The following ASB3 variants were observed in gnomAD, a reference collection of about 807,000 sequenced individuals.
ASB3 encodes the protein ankyrin repeat and SOCS box protein 3.
Under a neutral mutation model 54.5 loss-of-function variants are expected in ASB3, and 41 were observed. That is an observed-to-expected ratio of 0.75 (90% confidence interval 0.59 to 0.98). ASB3 has a LOEUF of 0.98. Among genes scored for constraint, ASB3 ranks in the 50% least tolerant of loss-of-function variants. The probability of loss-of-function intolerance (pLI) is 0.00; values close to 1 mark genes in which losing one functional copy is unlikely to be tolerated. For synonymous variants in ASB3, 266 were observed against 221.2 expected (o/e 1.20, Z -1.80); for missense variants, 733 against 620.0 (o/e 1.18, Z -1.94).
chr2:53,738,600 T>G (rs945822596), intron 3 of ASB3, among the ~76,000 whole-genome samples: 9 of 152,160 alleles, frequency 5.9e-5, no homozygotes, highest in African/African-American at 1.9e-4. Flanking sequence ...AGATTAGAAT[T>G]GAATTGAATT....
In ASB3 at chr2:53,670,036, A is replaced by C. The variant is rs1667739054; in HGVS notation, c.*467T>G. The C allele has an allele frequency of 6.6e-6, 1 of 151,810 alleles. No homozygotes were observed. Among genetic ancestry groups the C allele is most frequent in the Non-Finnish European group, 1.5e-5 (1 of 68,018 alleles). The allele number at this position is 151,810 out of a possible 1,614,324, so 9.4% of individuals were successfully genotyped here. On this transcript the variant is annotated 3_prime_UTR_variant, in exon 10 of 10. Transcript: ENST00000263634. ...GATAGTCAAGTCTAAATAAAATAATAATGATAATAATAACAGATTCTACAC... is the reference window on the plus strand; with the variant it reads ...GATAGTCAAGTCTAAATAAAATAATCATGATAATAATAACAGATTCTACAC...
chr2:53,745,933 T>G (rs1672197899), intron 3 of ASB3, among the ~76,000 whole-genome samples: 1 of 152,204 alleles, frequency 6.6e-6, no homozygotes, highest in Admixed American at 6.5e-5. Flanking sequence ...CTTGAATTAT[T>G]TTGGATTTTG....
Position 53,715,001 on chromosome 2 carries a change from C to T in ASB3, c.783-420G>A, listed in dbSNP as rs77658741. On this transcript the variant is annotated intron_variant, in intron 6 of 9. Transcript: ENST00000263634. ...ATGCACTATTTTCCTTCTTAAAGTA[C>T]CAACTAGTTTTTCTTTTCCAATTAG... 9.2e-3 allele frequency among the ~76,000 whole-genome samples: 1,398 copies of T among 152,036 alleles called. 15 individuals carry two copies. Among genetic ancestry groups the T allele is most frequent in the African/African-American group, 0.032 (1,327 of 41,474 alleles).
chr2:53,771,605 T>G (rs1390898526), intron 1 of ASB3, among the ~76,000 whole-genome samples: 1 of 152,230 alleles, frequency 6.6e-6, no homozygotes, highest in African/African-American at 2.4e-5. Flanking sequence ...TCCATTTGCC[T>G]TTCATTTTAG....
At chr2:53,716,799 C>G in intron 5 of ASB3, 56 bp from the exon 6 acceptor site, 1 of 1,511,094 alleles carries the variant, frequency 6.6e-7, no homozygotes, top group South Asian at 1.4e-5. Flanking sequence ...AAAAAATCAA[C>G]ACAAATTTCA....
intron 3 of ASB3, among the ~76,000 whole-genome samples, chr2:53,738,392 A>G (rs1420826761): frequency 2.0e-5 from 3 of 152,228 alleles, no homozygotes; most frequent in Non-Finnish European, 4.4e-5. Flanking sequence ...CTGTTCTCCA[A>G]TATAGAAGAC....
In ASB3 at chr2:53,700,378, T is replaced by C. The variant is rs755784012; in HGVS notation, c.1131A>G (p.Ile377Met). Residue 377 changes from isoleucine (I) to methionine (M), a missense_variant, in exon 8 of 10, where the codon ATA becomes ATG. Coordinates refer to ENST00000263634, the MANE Select transcript of ASB3 (RefSeq NM_016115.5). Reference protein sequence around the residue: ...KGCSLGPWNHIYEFVNHAIKA... With the variant: ...KGCSLGPWNHMYEFVNHAIKA... ...TAATTGCATGATTTACAAATTCATA[T>C]ATATGGTTCCATGGTCCCAATGAGC... 5 of 1,614,022 alleles carry C rather than the reference T, an allele frequency of 3.1e-6. No individual in the cohort carries two copies. The African/African-American group carries it at 5.3e-5, about 17-fold the overall frequency.
intron 3 of ASB3, among the ~76,000 whole-genome samples, chr2:53,740,105 C>G (rs1671850367): frequency 6.6e-6 from 1 of 152,166 alleles, no homozygotes; most frequent in East Asian, 1.9e-4. Context: ...GCTGGCTATG[C>G]AGAAATCATC....
intron 5 of ASB3, among the ~76,000 whole-genome samples, chr2:53,726,665 CAT>C (rs923687651): frequency 1.3e-4 from 19 of 150,862 alleles, no homozygotes; most frequent in Admixed American, 8.6e-4. Context: ...TATACACACA[CAT>C]ATATATATAC....
At chr2:53,697,151 A>G (rs1669226910) in intron 8 of ASB3, among the ~76,000 whole-genome samples, 1 of 152,194 alleles carries the variant, frequency 6.6e-6, no homozygotes, top group Non-Finnish European at 1.5e-5. Flanking sequence ...ATTATATGCT[A>G]ATTATAACGC....
At chr2:53,698,557 C>A (rs76863111) in intron 8 of ASB3, among the ~76,000 whole-genome samples, 1,831 of 152,304 alleles carry the variant, frequency 0.012, 35 homozygotes, top group African/African-American at 0.043. Context: ...ATTTCTCCCA[C>A]CAGATAGCCT....
At chr2:53,742,676 T>A (rs564650863) in intron 3 of ASB3, among the ~76,000 whole-genome samples, 1 of 149,866 alleles carries the variant, frequency 6.7e-6, no homozygotes, top group Admixed American at 6.6e-5. Flanking sequence ...AAAAATCCAA[T>A]TGAAATTGAA....
intron 3 of ASB3, among the ~76,000 whole-genome samples, chr2:53,747,893 G>A (rs1672309839): frequency 6.6e-6 from 1 of 152,144 alleles, no homozygotes; most frequent in Non-Finnish European, 1.5e-5. Context: ...CTACACTGGG[G>A]GATATAGCAC....
intron 1 of ASB3, among the ~76,000 whole-genome samples, chr2:53,784,338 G>T (rs1358575321): frequency 6.6e-6 from 1 of 152,206 alleles, no homozygotes; most frequent in Non-Finnish European, 1.5e-5. Flanking sequence ...GGCTGTCTGT[G>T]ACACGTCCTT....
intron 5 of ASB3, among the ~76,000 whole-genome samples, chr2:53,719,491 C>T (rs748931061): frequency 2.0e-5 from 3 of 152,152 alleles, no homozygotes; most frequent in Admixed American, 6.5e-5. Flanking sequence ...AACTCCTCTG[C>T]GACCAGAGAC....
At chr2:53,775,316 T>G (rs961760457) in intron 1 of ASB3, 4 of 152,238 alleles carry the variant, frequency 2.6e-5, no homozygotes, top group Non-Finnish European at 5.9e-5. Context: ...CTTTTGGAAT[T>G]CTTTGTCTGT....
At chr2:53,777,797 T>C (rs1674426228) in intron 1 of ASB3, among the ~76,000 whole-genome samples, 1 of 152,208 alleles carries the variant, frequency 6.6e-6, no homozygotes, top group Non-Finnish European at 1.5e-5. Flanking sequence ...TTTGTGCCTT[T>C]TTATTAAATT....
chr2:53,750,541 A>G (rs1282232078), intron 3 of ASB3, among the ~76,000 whole-genome samples: 1 of 152,168 alleles, frequency 6.6e-6, no homozygotes, highest in Non-Finnish European at 1.5e-5. Context: ...GGTGCCTACA[A>G]TTCGAAACAG....
chr2:53,768,294 T>G, intron 1 of ASB3: 1 of 402,336 alleles, frequency 2.5e-6, no homozygotes, highest in Non-Finnish European at 4.5e-6. Flanking sequence ...CGCACCAGGC[T>G]GAGTGCGGAG....
Sources: gnomAD v4.1 joint callset for allele counts (sites outside exome capture counted in the v4.1 genomes callset) on GRCh38, gnomAD v4.1.1 for gene constraint, MANE v1.5 for transcripts, NCBI Gene and HGNC (gene_info 2026-07-23, HGNC 2026-07-21) for gene names.